FAAH2: variants seen among roughly 807,000 people sequenced by gnomAD.
The protein encoded by FAAH2 is fatty-acid amide hydrolase 2.
A neutral mutation model predicts 36.9 loss-of-function variants in FAAH2; 60 were observed. The observed-to-expected ratio is 1.63, with a 90% CI of 1.32 to 2.02. The LOEUF is 2.02. Ranked by LOEUF, FAAH2 falls within the 30% of genes most tolerant of loss-of-function variation. The probability of loss-of-function intolerance (pLI) is 0.00; values close to 1 mark genes in which losing one functional copy is unlikely to be tolerated. For synonymous variants in FAAH2, 214 were observed against 143.8 expected, an observed-to-expected ratio of 1.49 and a Z score of -3.49; for missense variants, 689 against 397.5, an observed-to-expected ratio of 1.73 and a Z score of -6.23.
chrX:57,216,598 G>GTATATATATATATACGTA, the FAAH2 span, among the ~76,000 whole-genome samples: 2 of 4,687 alleles, frequency 4.3e-4, no homozygotes, highest in African/African-American at 8.3e-4. Flanking sequence ...GTATATATAT[G>GTATATATATATATACGTA]TATATATATA....
intron 7 of FAAH2, among the ~76,000 whole-genome samples, chrX:57,426,768 T>C (rs1021844403): frequency 1.8e-5 from 2 of 111,547 alleles, no homozygotes; most frequent in African/African-American, 6.5e-5. Context: ...CATGGAAGTT[T>C]ATAATGTTAA....
intron 7 of FAAH2, among the ~76,000 whole-genome samples, chrX:57,405,599 G>A (rs190448996): frequency 4.3e-4 from 46 of 107,693 alleles, no homozygotes; most frequent in African/African-American, 1.3e-3. Flanking sequence ...TGAAAGCTCA[G>A]CTCCAGCGGT....
At chrX:57,261,549 T>C in the FAAH2 span, among the ~76,000 whole-genome samples, 1 of 55,421 alleles carries the variant, frequency 1.8e-5, no homozygotes, top group Non-Finnish European at 3.2e-5. Flanking sequence ...CGAGACTCTG[T>C]CTCAAAAAAA....
the FAAH2 span, among the ~76,000 whole-genome samples, chrX:57,194,566 T>C: frequency 9.0e-6 from 1 of 111,616 alleles, no homozygotes; most frequent in Non-Finnish European, 1.9e-5. Flanking sequence ...TCTTTTCTGA[T>C]TTTATTAAGA....
intron 8 of FAAH2, among the ~76,000 whole-genome samples, chrX:57,440,100 C>T (rs1312592112): frequency 9.0e-6 from 1 of 111,374 alleles, no homozygotes; most frequent in Non-Finnish European, 1.9e-5. Context: ...TTTTTGGTTA[C>T]ATATGAACTT....
At chrX:57,184,583 A>G in the FAAH2 span, among the ~76,000 whole-genome samples, 1 of 112,874 alleles carries the variant, frequency 8.9e-6, no homozygotes, top group Admixed American at 9.4e-5. Context: ...ATATTCACAG[A>G]AATTTGACAA....
Position 57,385,770 on chromosome X carries a change from C to T in FAAH2, c.996+4741C>T, listed in dbSNP as rs186692754. On this transcript the variant is annotated intron_variant, in intron 7 of 10. Transcript: ENST00000374900. Reference sequence around the variant, plus strand: ...CAAAATACAAAAAATTAGCCGGGCGCGGTGGCGGGCGCCTGTAGTCCCAGC... The same window carrying T: ...CAAAATACAAAAAATTAGCCGGGCGTGGTGGCGGGCGCCTGTAGTCCCAGC... Among the ~76,000 whole-genome samples the T allele has an allele frequency of 6.3e-5, 7 of 110,545 alleles. No homozygotes were observed. In the South Asian group the frequency reaches 1.9e-3, roughly 31 times the overall value.
chrX:57,357,667 A>G (rs1263397472), intron 5 of FAAH2, among the ~76,000 whole-genome samples: 1 of 111,870 alleles, frequency 8.9e-6, no homozygotes, highest in Non-Finnish European at 1.9e-5. Context: ...AGTGGCGATA[A>G]TTAAAAAGTC....
chrX:57,185,505 T>G, the FAAH2 span, among the ~76,000 whole-genome samples: 1 of 109,166 alleles, frequency 9.2e-6, no homozygotes, highest in Non-Finnish European at 1.9e-5. Flanking sequence ...TGTGTGTGTG[T>G]GTGTGTGTGT....
the FAAH2 span, among the ~76,000 whole-genome samples, chrX:57,264,759 A>G: frequency 2.9e-4 from 33 of 112,511 alleles, no homozygotes; most frequent in African/African-American, 1.0e-3. Context: ...ACTATTCACA[A>G]TAGCAAAGAC....
chrX:57,488,218 A>G (rs899621591), intron 10 of FAAH2, among the ~76,000 whole-genome samples: 1 of 111,780 alleles, frequency 8.9e-6, no homozygotes, highest in Non-Finnish European at 1.9e-5. Context: ...ATCTTATTTT[A>G]TATAAATTAT....
intron 4 of FAAH2, among the ~76,000 whole-genome samples, chrX:57,340,695 A>C (rs753357008): frequency 1.1e-3 from 127 of 112,031 alleles, no homozygotes; most frequent in South Asian, 7.1e-3. Context: ...GCAGGGATAG[A>C]AAAGCAAACA....
chrX:57,371,723 G>C (rs759334576), intron 5 of FAAH2, among the ~76,000 whole-genome samples: 5 of 110,441 alleles, frequency 4.5e-5, no homozygotes, highest in Non-Finnish European at 9.5e-5. Flanking sequence ...ATGATGCTGA[G>C]GTTTGAGGTA....
chrX:57,370,797 T>A (rs1326024557), intron 5 of FAAH2, among the ~76,000 whole-genome samples: 1 of 111,714 alleles, frequency 9.0e-6, no homozygotes. Flanking sequence ...ATGCAGGGGA[T>A]CTAGGTTGTG....
At chrX:57,131,275 C>T in the FAAH2 span, among the ~76,000 whole-genome samples, 5 of 106,986 alleles carry the variant, frequency 4.7e-5, no homozygotes, top group African/African-American at 1.7e-4. Flanking sequence ...TTAGTAGAGA[C>T]GGGGTTTCAC....
chrX:57,453,556 A>G (rs1378506695), intron 10 of FAAH2, among the ~76,000 whole-genome samples: 1 of 110,739 alleles, frequency 9.0e-6, no homozygotes, highest in Non-Finnish European at 1.9e-5. Context: ...CAGCAGTCCC[A>G]CTTCTGTCTG....
the FAAH2 span, among the ~76,000 whole-genome samples, chrX:57,160,014 C>G: frequency 8.9e-6 from 1 of 112,068 alleles, no homozygotes; most frequent in Non-Finnish European, 1.9e-5. Context: ...TACGTCCCAT[C>G]AATACCAAAT....
intron 9 of FAAH2, among the ~76,000 whole-genome samples, chrX:57,448,179 C>T (rs756244061): frequency 9.0e-5 from 10 of 111,494 alleles, no homozygotes; most frequent in Non-Finnish European, 1.7e-4. Flanking sequence ...TCATATTGCC[C>T]AAGCTGGTCT....
the FAAH2 span, among the ~76,000 whole-genome samples, chrX:57,246,356 T>C: frequency 9.0e-6 from 1 of 111,688 alleles, no homozygotes; most frequent in Admixed American, 9.5e-5. Flanking sequence ...AAAAAGGGAA[T>C]CCTCCTTAAC....
Sources: allele counts gnomAD v4.1 joint callset (sites outside exome capture counted in the v4.1 genomes callset), GRCh38; gene constraint gnomAD v4.1.1; transcripts MANE v1.5; gene names NCBI Gene and HGNC (gene_info 2026-07-23, HGNC 2026-07-21).